The following HSD17B12 variants were observed in gnomAD, a reference collection of about 807,000 sequenced individuals.
HSD17B12 encodes hydroxysteroid 17-beta dehydrogenase 12, also known as very-long-chain 3-oxoacyl-CoA reductase.
In HSD17B12, 32 loss-of-function variants were observed where a neutral mutation model predicts 39.3. That is an observed-to-expected ratio of 0.81 (90% CI 0.61 to 1.09). HSD17B12 has a LOEUF of 1.09. Ranked by LOEUF, HSD17B12 falls within the 50% of genes least tolerant of loss-of-function variation. The pLI, the probability that HSD17B12 is intolerant of heterozygous loss-of-function variation, is 0.00. For missense variants in HSD17B12, 342 were observed against 382.9 expected, an observed-to-expected ratio of 0.89 and a Z score of 0.89; for synonymous variants, 150 against 146.7, an observed-to-expected ratio of 1.02 and a Z score of -0.16.
intron 3 of HSD17B12, among the ~76,000 whole-genome samples, chr11:43,790,433 T>C (rs1054382385): frequency 1.3e-5 from 2 of 152,196 alleles, no homozygotes; most frequent in African/African-American, 2.4e-5. Flanking sequence ...TTTGTAGATA[T>C]TGGCAGATAG....
chr11:43,673,502 T>TTC, the HSD17B12 span: 1 of 150,260 alleles, frequency 6.7e-6, no homozygotes, highest in South Asian at 2.0e-4. Flanking sequence ...CTTTTTTTTT[T>TTC]TTTTTTTTGA....
intron 6 of HSD17B12, among the ~76,000 whole-genome samples, chr11:43,829,224 G>A (rs1024906011): frequency 3.3e-5 from 5 of 152,206 alleles, no homozygotes; most frequent in Non-Finnish European, 7.3e-5. Flanking sequence ...TAGTCGTTGA[G>A]CATTCAGCAA....
At chr11:43,815,910 C>T (rs1041365734) in intron 5 of HSD17B12, among the ~76,000 whole-genome samples, 1 of 152,064 alleles carries the variant, frequency 6.6e-6, no homozygotes, top group Non-Finnish European at 1.5e-5. Context: ...ACCAGCTCTA[C>T]CAAAATGAAA....
chr11:43,609,393 T>C, the HSD17B12 span, among the ~76,000 whole-genome samples: 1 of 150,812 alleles, frequency 6.6e-6, no homozygotes, highest in Non-Finnish European at 1.5e-5. Context: ...AAAGATAGGG[T>C]CTAACTCTGT....
the HSD17B12 span, among the ~76,000 whole-genome samples, chr11:43,642,004 C>A: frequency 3.3e-5 from 5 of 151,694 alleles, no homozygotes; most frequent in African/African-American, 4.8e-5. Flanking sequence ...AAATAGATTG[C>A]AATGTTTGTC....
chr11:43,680,752 C>A lies in HSD17B12; in HGVS notation c.-76C>A. 7.3e-7 allele frequency: 1 copy of A among 1,364,524 alleles called. No individual in the cohort carries two copies. The highest frequency in any genetic ancestry group is 1.0e-6 in the Non-Finnish European group (1 of 955,158). The allele number at this position is 1,364,524 out of a possible 1,614,324, so 84.5% of individuals were successfully genotyped here. ...CGCCTATTAGTGTCATCCTCACCGT[C>A]ACGGCCGGCGCCTCCTCCTGGATTC... On this transcript the variant is annotated 5_prime_UTR_variant, in exon 1 of 11. Transcript: ENST00000278353.
chr11:43,581,581 C>A, the HSD17B12 span: 1 of 400,590 alleles, frequency 2.5e-6, no homozygotes. This position sits in a 1 kb window ranked among gnomAD's most constrained non-coding sequence, Gnocchi z 4.9. Context: ...TCCCCGTTTT[C>A]CACGGAAGAT....
chr11:43,597,087 G>A, the HSD17B12 span, among the ~76,000 whole-genome samples: 5 of 152,214 alleles, frequency 3.3e-5, no homozygotes, highest in Admixed American at 6.5e-5. Flanking sequence ...TTTAAGTCAA[G>A]ACAGATTTAA....
the HSD17B12 span, among the ~76,000 whole-genome samples, chr11:43,558,604 C>A: frequency 6.6e-6 from 1 of 152,206 alleles, no homozygotes; most frequent in East Asian, 1.9e-4. Context: ...CCTTAAATAT[C>A]CGTGTGGGGG....
chr11:43,790,518 A>T (rs1187287945), intron 3 of HSD17B12, among the ~76,000 whole-genome samples: 1 of 152,200 alleles, frequency 6.6e-6, no homozygotes, highest in Admixed American at 6.5e-5. Context: ...GATAGTGCTG[A>T]ACCCTATATA....
At chr11:43,582,312 A>G in the HSD17B12 span, among the ~76,000 whole-genome samples, 2,377 of 152,284 alleles carry the variant, frequency 0.016, 57 homozygotes, top group African/African-American at 0.054. Flanking sequence ...CGGCCTCTCC[A>G]GGCGCCGGTC....
chr11:43,630,236 G>A, the HSD17B12 span, among the ~76,000 whole-genome samples: 1 of 152,094 alleles, frequency 6.6e-6, no homozygotes, highest in Non-Finnish European at 1.5e-5. Flanking sequence ...CAGCCTTTTG[G>A]TTGTATGACT....
At chr11:43,810,402 T>TATATATATATATATATATAA (rs1243655702) in intron 4 of HSD17B12, among the ~76,000 whole-genome samples, 1 of 70,160 alleles carries the variant, frequency 1.4e-5, no homozygotes, top group South Asian at 4.6e-4. Context: ...TATATATATA[T>TATATATATATATATATATAA]AAAATTCAGA....
At chr11:43,564,880 G>T in the HSD17B12 span, among the ~76,000 whole-genome samples, 1 of 144,840 alleles carries the variant, frequency 6.9e-6, no homozygotes, top group African/African-American at 2.5e-5. Flanking sequence ...AGGCAGAACG[G>T]GTTGAGTCTT....
At chr11:43,730,364 C>A (rs1950257670) in intron 1 of HSD17B12, among the ~76,000 whole-genome samples, 1 of 152,056 alleles carries the variant, frequency 6.6e-6, no homozygotes. Context: ...ACTGAGTGTT[C>A]ATTTTGAAAA....
the HSD17B12 span, among the ~76,000 whole-genome samples, chr11:43,663,936 C>T: frequency 6.6e-6 from 1 of 151,920 alleles, no homozygotes; most frequent in South Asian, 2.1e-4. Flanking sequence ...GATCTCAGCT[C>T]ACTGCAACCT....
the HSD17B12 span, among the ~76,000 whole-genome samples, chr11:43,561,685 C>CTT: frequency 4.6e-5 from 7 of 151,020 alleles, no homozygotes; most frequent in African/African-American, 1.7e-4. Flanking sequence ...CACAAACACC[C>CTT]TTTTTTTTTG....
chr11:43,680,235 G>A (rs1479000241), upstream of HSD17B12, among the ~76,000 whole-genome samples: 1 of 151,820 alleles, frequency 6.6e-6, no homozygotes, highest in Non-Finnish European at 1.5e-5. Flanking sequence ...CACCACGCCC[G>A]GCTAATTTTT....
intron 9 of HSD17B12, 39 bp downstream of exon 9, chr11:43,840,103 G>A (rs1274410177): frequency 7.1e-6 from 11 of 1,560,134 alleles, no homozygotes; most frequent in Non-Finnish European, 9.7e-6. Context: ...CCCTGTTTTT[G>A]TGTGGTTTCC....
Sources: gnomAD v4.1 joint callset for allele counts (sites outside exome capture counted in the v4.1 genomes callset) on GRCh38, gnomAD v4.1.1 for gene constraint, Gnocchi (gnomAD v3.1) non-coding constraint, MANE v1.5 for transcripts, NCBI Gene and HGNC (gene_info 2026-07-23, HGNC 2026-07-21) for gene names.